PES1: variants seen among roughly 807,000 people sequenced by gnomAD.
PES1 encodes pescadillo homolog.
A neutral mutation model predicts 77.1 loss-of-function variants in PES1; 31 were observed. The ratio of observed to expected loss-of-function variants is 0.40; its 90% confidence interval spans 0.30 to 0.54. The LOEUF (loss-of-function observed/expected upper bound fraction) is 0.54. Ranked by LOEUF, PES1 falls within the 20% of genes least tolerant of loss-of-function variation. The pLI is 0.45. For missense variants in PES1, 658 were observed against 771.7 expected (o/e 0.85, Z 1.75); for synonymous variants, 282 against 303.0 (o/e 0.93, Z 0.72).
chr22:30,589,373 T>C (rs1364353335), intron 1 of PES1, 103 bp from the exon 2 acceptor site: 1 of 946,684 alleles, frequency 1.1e-6, no homozygotes, highest in Non-Finnish European at 1.6e-6. Context: ...TCTGGATAAG[T>C]GGCTGAGATG....
In PES1 at chr22:30,578,821, G is replaced by A. The variant is rs766177009; in HGVS notation, c.1683+16C>T. The A allele has an allele frequency of 6.2e-7, 1 of 1,611,838 alleles. No individual in the cohort carries two copies. Among genetic ancestry groups the A allele is most frequent in the East Asian group, 2.2e-5 (1 of 44,884 alleles). On this transcript the variant is annotated intron_variant, in intron 14 of 14. Coordinates refer to ENST00000354694, the MANE Select transcript of PES1 (RefSeq NM_014303.4). ...GGTGGCCACACCTGGATCTCAAGTGGGTGGCAAGAACTCACCTCTCGGATT... is the reference window on the plus strand; with the variant it reads ...GGTGGCCACACCTGGATCTCAAGTGAGTGGCAAGAACTCACCTCTCGGATT...
chr22:30,600,137 C>T (rs943334675), intron 2 of PES1, among the ~76,000 whole-genome samples: 9 of 151,892 alleles, frequency 5.9e-5, no homozygotes, highest in African/African-American at 1.9e-4. Context: ...TTTGAGACCA[C>T]CCTGGGCAAA....
Position 30,598,912 on chromosome 22 carries a change from T to TTTA in PES1, c.-660-6515_-660-6514insTAA, listed in dbSNP as rs761643665. Among the ~76,000 whole-genome samples, 443 of 116,396 alleles carry TTTA rather than the reference T, an allele frequency of 3.8e-3. 43 individuals carry two copies. Among genetic ancestry groups the TTTA allele is most frequent in the African/African-American group, 9.8e-3 (288 of 29,372 alleles). The allele number at this position is 116,396 out of a possible 152,430, so 76.4% of individuals were successfully genotyped here. On this transcript the variant is annotated intron_variant, in intron 2 of 16. Transcript: ENST00000402281. ...TTTTTTTTTTTTTTTTTTTTTTTTT[T>TTTA]TTGAGATGGAGTCCTGCTCTGTCAT...
chr22:30,576,870 T>A lies in PES1; in HGVS notation c.*176A>T. ...ACCAGGCACCAGCAGGGCAGCTCCA[T>A]CCAAGGGAAGCGAGGGCTGCCCACT... On this transcript the variant is annotated 3_prime_UTR_variant, in exon 15 of 15. Transcript: ENST00000354694. 1 of 618,598 alleles carries A rather than the reference T, an allele frequency of 1.6e-6. No individual in the cohort carries two copies. The highest frequency in any genetic ancestry group is 2.8e-5 in the East Asian group (1 of 36,278). 38.3% of individuals were successfully genotyped at this position (618,598 alleles called of 1,614,324 possible).
chr22:30,605,682 T>C (rs2087427290), intron 1 of PES1, among the ~76,000 whole-genome samples: 1 of 152,258 alleles, frequency 6.6e-6, no homozygotes, highest in East Asian at 1.9e-4. Flanking sequence ...CCCACTGGCC[T>C]CCCTCCTTCC....
At chr22:30,587,149 T>G in intron 4 of PES1, 137 bp downstream of exon 4, 1 of 672,468 alleles carries the variant, frequency 1.5e-6, no homozygotes, top group East Asian at 2.5e-5. Flanking sequence ...TAGCTTGGTT[T>G]TTGGTCTGTG....
At chr22:30,577,440 A>G (rs942254908) in intron 14 of PES1, among the ~76,000 whole-genome samples, 1 of 152,240 alleles carries the variant, frequency 6.6e-6, no homozygotes, top group African/African-American at 2.4e-5. Context: ...AACCTTCACC[A>G]GGAGCTGGTG....
At chr22:30,591,976 GT>G, upstream of PES1, 1 of 1,387,542 alleles carries the variant, frequency 7.2e-7, no homozygotes. Context: ...GCCTGTACAA[GT>G]CCAGGGAAAG....
chr22:30,587,442 T>C (rs2087108455), intron 3 of PES1, 47 bp from the exon 4 acceptor site: 14 of 1,420,806 alleles, frequency 9.9e-6, no homozygotes, highest in Non-Finnish European at 1.4e-5. Context: ...TCAGGTCTCC[T>C]GGACAACTTC....
At chr22:30,585,961 T>C (rs2087081491) in intron 4 of PES1, among the ~76,000 whole-genome samples, 2 of 152,230 alleles carry the variant, frequency 1.3e-5, no homozygotes, top group Non-Finnish European at 1.5e-5. Flanking sequence ...CGGCCTCAAC[T>C]GGCCCCCTCT....
intron 10 of PES1, 149 bp from the exon 11 acceptor site, chr22:30,580,327 C>G: frequency 1.7e-6 from 2 of 1,146,312 alleles, no homozygotes; most frequent in Non-Finnish European, 2.4e-6. Context: ...TCCTTCAATC[C>G]TGGCTCAGCA....
intron 2 of PES1, among the ~76,000 whole-genome samples, chr22:30,604,368 C>G (rs985407901): frequency 1.3e-5 from 2 of 152,214 alleles, no homozygotes; most frequent in Admixed American, 6.5e-5. Flanking sequence ...CGCGCTGGCT[C>G]ATGCCTGTAA....
At chr22:30,590,362 C>A (rs557038621) in intron 1 of PES1, among the ~76,000 whole-genome samples, 1 of 152,332 alleles carries the variant, frequency 6.6e-6, no homozygotes, top group African/African-American at 2.4e-5. Context: ...GCAGGGGCCT[C>A]TTTGGCTAGG....
intron 14 of PES1, among the ~76,000 whole-genome samples, chr22:30,578,601 A>T (rs1418319280): frequency 6.6e-6 from 1 of 152,190 alleles, no homozygotes; most frequent in Admixed American, 6.5e-5. Context: ...AGGAAGCCGG[A>T]TGCGGGGTGG....
chr22:30,596,067 A>AT (rs1185359188), upstream of PES1, among the ~76,000 whole-genome samples: 1 of 152,170 alleles, frequency 6.6e-6, no homozygotes, highest in African/African-American at 2.4e-5. Flanking sequence ...TTTTGTGCAC[A>AT]TTTTTAAACT....
rs113706209 is a variant in PES1, at chr22:30,580,397, G to A, written c.1043+174C>T. On this transcript the variant is annotated intron_variant, in intron 10 of 14. Transcript: ENST00000354694. ...CTAGTAATAAAATGACGGCAGTTCC[G>A]CCCTCTGCTGAGCACTTCCTATGTG... Among the ~76,000 whole-genome samples, 15 of 152,308 alleles carry A rather than the reference G, an allele frequency of 9.8e-5. 1 individual carries two copies. Among genetic ancestry groups the A allele is most frequent in the African/African-American group, 2.9e-4 (12 of 41,574 alleles).
At chr22:30,583,390 C>G (rs1306102961) in intron 6 of PES1, among the ~76,000 whole-genome samples, 1 of 152,238 alleles carries the variant, frequency 6.6e-6, no homozygotes. Flanking sequence ...CCAGCTCCCC[C>G]TGGAGCCCCT....
At chr22:30,591,929 C>T, upstream of PES1, 1 of 1,467,776 alleles carries the variant, frequency 6.8e-7, no homozygotes, top group South Asian at 1.4e-5. Context: ...CCCTCCCCAC[C>T]CCACGCTGTC....
chr22:30,588,944 G>A (rs2087135151), intron 2 of PES1, among the ~76,000 whole-genome samples: 1 of 152,226 alleles, frequency 6.6e-6, no homozygotes, highest in Admixed American at 6.5e-5. Flanking sequence ...AGGAGGGGAT[G>A]GATGGCAGGG....
Sources: allele counts gnomAD v4.1 joint callset (sites outside exome capture counted in the v4.1 genomes callset), GRCh38; gene constraint gnomAD v4.1.1; transcripts MANE v1.5; gene names NCBI Gene and HGNC (gene_info 2026-07-23, HGNC 2026-07-21).